The following LAMA2 variants were observed in gnomAD, a reference collection of about 807,000 sequenced individuals.
LAMA2 encodes laminin subunit alpha-2.
A neutral mutation model predicts 364.8 loss-of-function variants in LAMA2; 269 were observed. The ratio of observed to expected loss-of-function variants is 0.74; its 90% confidence interval spans 0.67 to 0.82. The LOEUF (loss-of-function observed/expected upper bound fraction) is 0.82. Among genes scored for constraint, LAMA2 ranks in the 40% least tolerant of loss-of-function variants. The pLI is 0.00. For missense variants in LAMA2, 3,807 were observed against 3,873.2 expected, an observed-to-expected ratio of 0.98 and a Z score of 0.45; for synonymous variants, 1,379 against 1,370.6, an observed-to-expected ratio of 1.01 and a Z score of -0.14.
At chr6:129,174,855 C>CTA (rs1268587963) in intron 9 of LAMA2, among the ~76,000 whole-genome samples, 1 of 152,142 alleles carries the variant, frequency 6.6e-6, no homozygotes, top group African/African-American at 2.4e-5. Context: ...ACCTACCTAT[C>CTA]TATTTTTCTA....
chr6:128,911,306 C>T (rs1476803674), intron 1 of LAMA2, among the ~76,000 whole-genome samples: 1 of 152,190 alleles, frequency 6.6e-6, no homozygotes, highest in Non-Finnish European at 1.5e-5. Flanking sequence ...GGGCGTAGTA[C>T]CTTCCCAGCC....
At chr6:129,251,928 C>CT (rs1324244862) in intron 13 of LAMA2, among the ~76,000 whole-genome samples, 156 bp from the exon 14 acceptor site, 2 of 151,830 alleles carry the variant, frequency 1.3e-5, no homozygotes, top group Non-Finnish European at 2.9e-5. Context: ...GAGCGAGACT[C>CT]TGTCTCCAAA....
At chr6:129,366,194 A>C (rs1483272446) in intron 32 of LAMA2, 25 bp from the exon 33 acceptor site, 2 of 1,611,526 alleles carry the variant, frequency 1.2e-6, no homozygotes, top group South Asian at 2.2e-5. Flanking sequence ...AGAAGTAACT[A>C]CTCTTTGTCA....
intron 1 of LAMA2, among the ~76,000 whole-genome samples, chr6:129,027,872 G>A (rs965581915): frequency 2.6e-5 from 4 of 151,744 alleles, no homozygotes; most frequent in Admixed American, 6.6e-5. Context: ...AGGTGTATCA[G>A]AGTGAGATTA....
intron 22 of LAMA2, among the ~76,000 whole-genome samples, chr6:129,304,776 C>T (rs879625605): frequency 6.6e-6 from 1 of 152,116 alleles, no homozygotes; most frequent in Admixed American, 6.5e-5. Context: ...GGGGAATTTT[C>T]AAGGTATCGT....
At chr6:128,987,419 T>C (rs1350408868) in intron 1 of LAMA2, among the ~76,000 whole-genome samples, 2 of 151,952 alleles carry the variant, frequency 1.3e-5, no homozygotes, top group East Asian at 3.9e-4. Context: ...GGGATTACAG[T>C]TGTGAGCTAC....
chr6:129,311,027 A>G (rs753308358), intron 22 of LAMA2, among the ~76,000 whole-genome samples: 6 of 152,150 alleles, frequency 3.9e-5, no homozygotes, highest in Admixed American at 1.3e-4. Flanking sequence ...AAGGGTGCCT[A>G]TGGAGAGACA....
At chr6:129,129,935 A>AAC in intron 4 of LAMA2, among the ~76,000 whole-genome samples, 1 of 147,862 alleles carries the variant, frequency 6.8e-6, no homozygotes, top group African/African-American at 2.7e-5. Flanking sequence ...AAAAAAAAAA[A>AAC]AAAAAAAATA....
Position 129,313,042 on chromosome 6 carries a change from A to T in LAMA2, c.3356A>T (p.Asp1119Val), listed in dbSNP as rs1203181202. 1 of 1,614,000 alleles carries T rather than the reference A, an allele frequency of 6.2e-7. No individual in the cohort carries two copies. Among genetic ancestry groups the T allele is most frequent in the Non-Finnish European group, 8.5e-7 (1 of 1,179,944 alleles). Reference sequence around the variant, plus strand: ...CCTGGGACAGATGCCACAACCTGTGATTCAGAGACTAAAAAATGCTCCTGT... The same window carrying T: ...CCTGGGACAGATGCCACAACCTGTGTTTCAGAGACTAAAAAATGCTCCTGT... ...FLPGTDATTC[D>V]SETKKCSCSD... Residue 1119 changes from aspartate (D) to valine (V), a missense_variant, in exon 23 of 65, where the codon GAT becomes GTT. Around this residue, in one of 3 missense-constraint regions of LAMA2, gnomAD observed 3,333 missense variants for 3,345.7 expected, o/e 1.00. Transcript: ENST00000421865.
At chr6:128,893,770 A>T (rs1314747894) in intron 1 of LAMA2, among the ~76,000 whole-genome samples, 1 of 151,824 alleles carries the variant, frequency 6.6e-6, no homozygotes, top group Non-Finnish European at 1.5e-5. Flanking sequence ...TGGGAAATTT[A>T]AAAATGTTTA....
At position 129,516,512 on chromosome 6, in the gene LAMA2, T is replaced by G; in HGVS notation, c.*165T>G. ...ATTCAGACTCCAGACTGAATTTTAA[T>G]TCAAGTTCTTTCTCAAGTCTATAAA... On this transcript the variant is annotated 3_prime_UTR_variant, in exon 65 of 65. Coordinates refer to ENST00000421865, the MANE Select transcript of LAMA2 (RefSeq NM_000426.4). The G allele has an allele frequency of 1.5e-6, 1 of 669,828 alleles. No individual in the cohort carries two copies. The highest frequency in any genetic ancestry group is 2.6e-6 in the Non-Finnish European group (1 of 383,956). 41.5% of individuals were successfully genotyped at this position (669,828 alleles called of 1,614,324 possible).
intron 9 of LAMA2, among the ~76,000 whole-genome samples, chr6:129,169,260 C>A (rs566188056): frequency 3.3e-4 from 48 of 146,886 alleles, no homozygotes; most frequent in African/African-American, 1.3e-3. Flanking sequence ...GGGAATGCTT[C>A]CAGTTTTTGC....
intron 12 of LAMA2, among the ~76,000 whole-genome samples, chr6:129,234,810 G>A (rs191559373): frequency 3.5e-4 from 53 of 152,118 alleles, no homozygotes; most frequent in Non-Finnish European, 6.5e-4. Context: ...ATAACAGGGG[G>A]CATAAAACAT....
intron 5 of LAMA2, among the ~76,000 whole-genome samples, chr6:129,145,464 A>G (rs1583130065): frequency 6.6e-6 from 1 of 152,052 alleles, no homozygotes; most frequent in Admixed American, 6.6e-5. Context: ...CACTTGTTTA[A>G]GAAAACATTT....
chr6:129,387,900 G>T (rs1779104194), intron 35 of LAMA2, among the ~76,000 whole-genome samples: 1 of 152,122 alleles, frequency 6.6e-6, no homozygotes, highest in African/African-American at 2.4e-5. Flanking sequence ...GAGTCTATTG[G>T]GGGTTGTGGG....
intron 58 of LAMA2, among the ~76,000 whole-genome samples, chr6:129,498,755 A>G (rs1785394208): frequency 6.6e-6 from 1 of 152,232 alleles, no homozygotes. Context: ...CAAAGATGCC[A>G]GTTTTGATAA....
At chr6:129,165,410 T>A (rs892801801) in intron 8 of LAMA2, among the ~76,000 whole-genome samples, 166 bp from the exon 9 acceptor site, 1 of 152,160 alleles carries the variant, frequency 6.6e-6, no homozygotes, top group Non-Finnish European at 1.5e-5. Flanking sequence ...GTAAAAGAAC[T>A]GGATTTTAGA....
At chr6:129,464,647 A>G (rs1376753561) in intron 50 of LAMA2, among the ~76,000 whole-genome samples, 195 bp downstream of exon 50, 2 of 152,006 alleles carry the variant, frequency 1.3e-5, no homozygotes, top group Non-Finnish European at 2.9e-5. Flanking sequence ...AATCACAGAT[A>G]CAATTTAATT....
chr6:129,481,371 G>A lies in LAMA2; in HGVS notation c.7681G>A (p.Gly2561Ser), dbSNP rs200341138. 105 of 1,613,742 alleles carry A rather than the reference G, an allele frequency of 6.5e-5. No individual in the cohort carries two copies. In the Middle Eastern group the frequency reaches 9.9e-4, roughly 15 times the overall value. The change falls in exon 55 of 65, where the codon GGC becomes AGC. Residue 2561 changes from glycine to serine, a missense_variant. By Grantham distance (56) the Gly-to-Ser change is moderately conservative (BLOSUM62 0). Coordinates refer to ENST00000421865, the MANE Select transcript of LAMA2 (RefSeq NM_000426.4). Reference protein sequence around the residue: ...NLSFSTKNESGIILLGSGGTP... With the variant: ...NLSFSTKNESSIILLGSGGTP... The stretch of plus-strand genomic sequence containing the variant: ...GTCATTCAGCACCAAGAATGAGTCC[G>A]GCATCATTCTTTTGGGAAGTGGAGG...
Sources: allele counts gnomAD v4.1 joint callset (sites outside exome capture counted in the v4.1 genomes callset), GRCh38; gene constraint gnomAD v4.1.1; regional missense constraint gnomAD v4.1.1; transcripts MANE v1.5; gene names NCBI Gene and HGNC (gene_info 2026-07-23, HGNC 2026-07-21).